The following PDZRN4 variants were observed in gnomAD, a reference collection of about 807,000 sequenced individuals.
The protein encoded by PDZRN4 is PDZ domain-containing RING finger protein 4.
PDZRN4 carries 70 observed loss-of-function variants against 99.0 expected under a neutral mutation model. That is an observed-to-expected ratio of 0.71 (90% CI 0.58 to 0.86). The LOEUF is 0.86. PDZRN4 is among the 40% of genes least tolerant of loss of function. The pLI is 0.00. For synonymous variants in PDZRN4, 551 were observed against 501.6 expected, an observed-to-expected ratio of 1.10 and a Z score of -1.32; for missense variants, 1,474 against 1,331.2, an observed-to-expected ratio of 1.11 and a Z score of -1.67.
intron 3 of PDZRN4, among the ~76,000 whole-genome samples, chr12:41,395,664 A>G (rs2121129481): frequency 6.6e-6 from 1 of 152,296 alleles, no homozygotes; most frequent in South Asian, 2.1e-4. Flanking sequence ...ACTCCATTTT[A>G]CAAAAGTCAC....
At position 41,501,157 on chromosome 12, in the gene PDZRN4, T is replaced by A. The variant is rs571961209; in HGVS notation, c.844-5299T>A. On this transcript the variant is annotated intron_variant, in intron 3 of 9. Transcript: ENST00000402685. ...GCTTCTTTTATGGCGCCTTCTTAAA[T>A]TTATTCTCCCTTGAAAGCCATAGGT... 3.3e-5 allele frequency among the ~76,000 whole-genome samples: 5 copies of A among 152,262 alleles called. No homozygotes were observed. The East Asian group carries it at 9.7e-4, about 29-fold the overall frequency.
At chr12:41,292,564 C>T (rs1181602482) in intron 3 of PDZRN4, among the ~76,000 whole-genome samples, 3 of 152,134 alleles carry the variant, frequency 2.0e-5, no homozygotes, top group Admixed American at 6.6e-5. Flanking sequence ...TTTTGCCACT[C>T]GTTTGGGTAG....
At chr12:41,526,372 C>T (rs1166869053) in intron 5 of PDZRN4, among the ~76,000 whole-genome samples, 1 of 152,174 alleles carries the variant, frequency 6.6e-6, no homozygotes, top group Non-Finnish European at 1.5e-5. Context: ...TTCACAAGTG[C>T]TGGAGAATAA....
chr12:41,350,298 A>G (rs751641242), intron 3 of PDZRN4, among the ~76,000 whole-genome samples: 1 of 152,058 alleles, frequency 6.6e-6, no homozygotes, highest in East Asian at 1.9e-4. Flanking sequence ...AAGTGAAGCA[A>G]TTCCAGAGTT....
chr12:41,198,740 C>T (rs528042948), intron 3 of PDZRN4, among the ~76,000 whole-genome samples: 1 of 151,606 alleles, frequency 6.6e-6, no homozygotes, highest in African/African-American at 2.4e-5. Context: ...TGCACATGTA[C>T]CCTAAAACTT....
chr12:41,355,608 C>A (rs1951922099), intron 3 of PDZRN4, among the ~76,000 whole-genome samples: 2 of 152,014 alleles, frequency 1.3e-5, no homozygotes, highest in Non-Finnish European at 2.9e-5. Context: ...TTTTAACAAC[C>A]TTTTCAAATC....
chr12:41,427,181 C>A (rs1952544188), intron 3 of PDZRN4, among the ~76,000 whole-genome samples: 1 of 152,168 alleles, frequency 6.6e-6, no homozygotes, highest in South Asian at 2.1e-4. Context: ...AGGAATTTAA[C>A]TGCTCCTGGA....
intron 3 of PDZRN4, among the ~76,000 whole-genome samples, chr12:41,237,959 T>A (rs1009328784): frequency 1.3e-5 from 2 of 152,214 alleles, no homozygotes; most frequent in African/African-American, 4.8e-5. Flanking sequence ...AGGCTCTTTT[T>A]TCTTTCCATA....
chr12:41,540,948 G>C (rs1400793990), intron 5 of PDZRN4, among the ~76,000 whole-genome samples: 1 of 150,596 alleles, frequency 6.6e-6, no homozygotes, highest in Admixed American at 6.6e-5. Flanking sequence ...TTTCGGAGAC[G>C]GAGTCTCACT....
intron 3 of PDZRN4, among the ~76,000 whole-genome samples, chr12:41,254,439 A>G (rs1287686277): frequency 6.6e-6 from 1 of 152,232 alleles, no homozygotes; most frequent in Non-Finnish European, 1.5e-5. Context: ...AATGCTTAAC[A>G]GTTACACCCA....
intron 3 of PDZRN4, among the ~76,000 whole-genome samples, chr12:41,398,941 T>C (rs1952270464): frequency 6.6e-6 from 1 of 152,178 alleles, no homozygotes; most frequent in Admixed American, 6.5e-5. Context: ...TAAACTATTT[T>C]CATCTCATCT....
intron 3 of PDZRN4, among the ~76,000 whole-genome samples, chr12:41,484,295 C>T (rs1381282354): frequency 1.3e-5 from 2 of 152,202 alleles, no homozygotes; most frequent in Admixed American, 1.3e-4. Flanking sequence ...CTACCTTTCT[C>T]AAAATTGCAG....
intron 3 of PDZRN4, among the ~76,000 whole-genome samples, chr12:41,364,011 A>G (rs1453240249): frequency 1.3e-5 from 2 of 152,126 alleles, no homozygotes; most frequent in Admixed American, 6.6e-5. Flanking sequence ...AGATATTGTA[A>G]GTTCAGTGTT....
chr12:41,437,777 A>G, intron 3 of PDZRN4: 1 of 1,533,588 alleles, frequency 6.5e-7, no homozygotes, highest in Non-Finnish European at 8.7e-7. Flanking sequence ...ATGCTGCTAC[A>G]CACCACTCTG....
chr12:41,330,400 C>A (rs1414719526), intron 3 of PDZRN4, among the ~76,000 whole-genome samples: 1 of 151,678 alleles, frequency 6.6e-6, no homozygotes, highest in East Asian at 1.9e-4. Context: ...TCAACTTCAC[C>A]TCTCTGTATC....
intron 3 of PDZRN4, among the ~76,000 whole-genome samples, chr12:41,283,260 T>A (rs1951401326): frequency 6.6e-6 from 1 of 152,064 alleles, no homozygotes; most frequent in African/African-American, 2.4e-5. Flanking sequence ...CTAGAAAATC[T>A]GGAAGAATGG....
intron 3 of PDZRN4, among the ~76,000 whole-genome samples, chr12:41,475,393 C>T (rs936963565): frequency 6.6e-6 from 1 of 152,082 alleles, no homozygotes; most frequent in African/African-American, 2.4e-5. Flanking sequence ...GGATGTTTAA[C>T]AAAATATTAC....
intron 3 of PDZRN4, among the ~76,000 whole-genome samples, chr12:41,456,472 C>T (rs1421336533): frequency 6.6e-6 from 1 of 152,098 alleles, no homozygotes; most frequent in Non-Finnish European, 1.5e-5. Context: ...AGAAAACCAG[C>T]TGAATTAGGC....
At chr12:41,557,573 A>G (rs144935501) in intron 7 of PDZRN4, among the ~76,000 whole-genome samples, 103 of 152,274 alleles carry the variant, frequency 6.8e-4, no homozygotes, top group African/African-American at 2.3e-3. Flanking sequence ...GCCTGGGCAC[A>G]TGTCCTGCCC....
Sources: allele counts gnomAD v4.1 joint callset (sites outside exome capture counted in the v4.1 genomes callset), GRCh38; gene constraint gnomAD v4.1.1; transcripts MANE v1.5; gene names NCBI Gene and HGNC (gene_info 2026-07-23, HGNC 2026-07-21).